The following MIDEAS variants were observed in gnomAD, a reference collection of about 807,000 sequenced individuals.
MIDEAS encodes the protein mitotic deacetylase associated SANT domain protein, also known as mitotic deacetylase-associated SANT domain protein.
A neutral mutation model predicts 102.7 loss-of-function variants in MIDEAS; 26 were observed. The ratio of observed to expected loss-of-function variants is 0.25; its 90% CI spans 0.19 to 0.35. The LOEUF is 0.35. MIDEAS is among the 10% of genes least tolerant of loss of function. MIDEAS has a pLI of 1.00. For missense variants in MIDEAS, 1,231 were observed against 1,435.6 expected (o/e 0.86, Z 2.30); for synonymous variants, 585 against 591.0 (o/e 0.99, Z 0.15).
rs181029558 is a variant in MIDEAS, at chr14:73,731,558, T to C, written c.1750-1573A>G. ...CAAAAAATCAGCTAGCTGTAATGAT[T>C]TGTAATTTTATAATAAGGGATTTAA... On this transcript the variant is annotated intron_variant, in intron 3 of 12. Transcript: ENST00000423556. 1.1e-3 allele frequency among the ~76,000 whole-genome samples: 165 copies of C among 152,348 alleles called. 2 individuals are homozygous for C. The highest frequency in any genetic ancestry group is 9.9e-3 in the Admixed American group (152 of 15,308).
At chr14:73,770,937 T>A (rs1481356109) in intron 1 of MIDEAS, among the ~76,000 whole-genome samples, 2 of 152,118 alleles carry the variant, frequency 1.3e-5, no homozygotes, top group African/African-American at 4.8e-5. Context: ...AATATTCACA[T>A]GACCAGCAAT....
In MIDEAS at chr14:73,721,378, C is replaced by A; in HGVS notation, c.2856G>T (p.Lys952Asn). The part of the protein sequence containing the change: ...GEEEVPEIQE[K>N]EEQEEGRERS... ...GCTCTCGCCCCTCTTCCTGCTCCTC[C>A]TTCTCTTGGATCTCTGGCACCTCCT... is the stretch of plus-strand genomic sequence containing the variant. The change falls in exon 11 of 13, where the codon AAG becomes AAT. Residue 952 changes from lysine to asparagine, a missense_variant. This residue lies in a region of MIDEAS where 391 missense variants were observed against 483.0 expected (regional missense o/e 0.81). Transcript: ENST00000423556. 3.1e-6 allele frequency: 5 copies of A among 1,614,062 alleles called. No individual in the cohort carries two copies. The highest frequency in any genetic ancestry group is 4.2e-6 in the Non-Finnish European group (5 of 1,180,034).
At chr14:73,775,390 T>A (rs1298924115) in intron 1 of MIDEAS, among the ~76,000 whole-genome samples, 1 of 152,102 alleles carries the variant, frequency 6.6e-6, no homozygotes, top group Non-Finnish European at 1.5e-5. Flanking sequence ...TCTTTTCCAC[T>A]TTAATGCTGC....
intron 3 of MIDEAS, among the ~76,000 whole-genome samples, chr14:73,730,462 T>G (rs1251667224): frequency 6.6e-6 from 1 of 152,194 alleles, no homozygotes. Flanking sequence ...AATCTTTCCG[T>G]GCATCTTCAT....
chr14:73,755,535 G>A (rs1463921575), intron 1 of MIDEAS, among the ~76,000 whole-genome samples: 2 of 152,150 alleles, frequency 1.3e-5, no homozygotes, highest in Non-Finnish European at 2.9e-5. Context: ...TTTTTTCCTT[G>A]GCTGAGAAAG....
chr14:73,787,200 C>G (rs1244837226), exon 1 of MIDEAS: 1 of 149,444 alleles, frequency 6.7e-6, no homozygotes, highest in African/African-American at 2.4e-5. Flanking sequence ...GCGCAGTCGT[C>G]ACTTCCTCGC....
chr14:73,784,395 G>C (rs911444649), intron 1 of MIDEAS, among the ~76,000 whole-genome samples: 2 of 152,220 alleles, frequency 1.3e-5, no homozygotes, highest in Admixed American at 6.5e-5. Flanking sequence ...ATCTGCCATT[G>C]GGAACTGAAG....
At chr14:73,775,143 G>A (rs988809066) in intron 1 of MIDEAS, among the ~76,000 whole-genome samples, 2 of 152,094 alleles carry the variant, frequency 1.3e-5, no homozygotes, top group South Asian at 4.2e-4. Context: ...ATAACAAGGC[G>A]AGAGAAGTGC....
chr14:73,719,443 C>CCACCGG lies in MIDEAS; in HGVS notation c.2990_2995dup (p.Ala997_Gly998dup). The stretch of plus-strand genomic sequence containing the variant: ...TTCCCTTGGCTTCTCCGAGGCCTGG[C>CCACCGG]CACCGGCAGACCCAGGGGCGTTGGA... On this transcript the variant is annotated inframe_insertion, in exon 12 of 13. Transcript: ENST00000423556. 6.2e-7 allele frequency: 1 copy of CCACCGG among 1,614,064 alleles called. No homozygotes were observed.
At chr14:73,764,383 A>C (rs539157316), upstream of MIDEAS, among the ~76,000 whole-genome samples, 22 of 151,530 alleles carry the variant, frequency 1.5e-4, no homozygotes, top group African/African-American at 5.1e-4. Context: ...ACAAAAAAAA[A>C]CCACCTAGTT....
Position 73,742,499 on chromosome 14 carries a change from T to C in MIDEAS, c.-247-2244A>G, listed in dbSNP as rs1434881984. 6.6e-6 allele frequency among the ~76,000 whole-genome samples: 1 copy of C among 152,152 alleles called. No homozygotes were observed. The highest frequency in any genetic ancestry group is 1.5e-5 in the Non-Finnish European group (1 of 67,994). On this transcript the variant is annotated intron_variant, in intron 1 of 12. Transcript: ENST00000423556. The surrounding 1 kb of genome is among the most constrained non-coding windows in gnomAD (Gnocchi z 4.4). ...GGGGCCAGAGGCCAGATGCAGGTCTTACAGGGGCTTACCCACAGCTGTATG... is the reference window on the plus strand; with the variant it reads ...GGGGCCAGAGGCCAGATGCAGGTCTCACAGGGGCTTACCCACAGCTGTATG...
chr14:73,766,893 T>C (rs1433028709), intron 1 of MIDEAS, among the ~76,000 whole-genome samples: 4 of 142,570 alleles, frequency 2.8e-5, no homozygotes, highest in Non-Finnish European at 4.6e-5. Flanking sequence ...TCTCACTCTG[T>C]CACCCAGGCT....
At chr14:73,764,679 G>A (rs17091315), upstream of MIDEAS, among the ~76,000 whole-genome samples, 9,290 of 152,262 alleles carry the variant, frequency 0.061, 954 homozygotes, top group African/African-American at 0.21. Context: ...AAGCCACTGT[G>A]TGCTGAGATG....
chr14:73,716,210 C>T lies in MIDEAS; in HGVS notation c.*2633G>A, dbSNP rs2052886292. 1 of 152,586 alleles carries T rather than the reference C, an allele frequency of 6.6e-6. No homozygotes were observed. Among genetic ancestry groups the T allele is most frequent in the Middle Eastern group, 3.4e-3 (1 of 294 alleles). 9.5% of individuals were successfully genotyped at this position (152,586 alleles called of 1,614,324 possible). A position where few individuals can be genotyped will look rare whatever the true frequency, so the allele number is the denominator to read the frequency against. ...TGCTTTATTGGCAGGTCACTTGCCA[C>T]AATTGCATCTGCCCTCTAAACTTTT... On this transcript the variant is annotated 3_prime_UTR_variant, in exon 13 of 13. Transcript: ENST00000423556.
At position 73,718,489 on chromosome 14, in the gene MIDEAS, G is replaced by T; in HGVS notation, c.*354C>A. 1 of 183,026 alleles carries T rather than the reference G, an allele frequency of 5.5e-6. No homozygotes were observed. Among genetic ancestry groups the T allele is most frequent in the East Asian group, 1.4e-4 (1 of 7,284 alleles). 11.3% of individuals were successfully genotyped at this position (183,026 alleles called of 1,614,324 possible). On this transcript the variant is annotated 3_prime_UTR_variant, in exon 13 of 13. Transcript: ENST00000423556. ...GTGGCTTCCTGGAGGCCGAGGGGAG[G>T]AGGGGGAAGCAAATAAAGGGAAAAG...
chr14:73,743,234 C>T (rs1464893967), intron 1 of MIDEAS, among the ~76,000 whole-genome samples: 1 of 152,170 alleles, frequency 6.6e-6, no homozygotes, highest in South Asian at 2.1e-4. Flanking sequence ...TATCAGATAT[C>T]CCTTCTCATT....
At chr14:73,789,740 C>T (rs553816658), upstream of MIDEAS, 10 of 152,284 alleles carry the variant, frequency 6.6e-5, no homozygotes, top group Admixed American at 3.9e-4. Context: ...TTTTGCAGAG[C>T]GAGGGTCATT....
intron 1 of MIDEAS, among the ~76,000 whole-genome samples, chr14:73,752,295 C>T (rs530361958): frequency 2.6e-5 from 4 of 152,256 alleles, no homozygotes; most frequent in East Asian, 1.9e-4. Flanking sequence ...GCTATAGTGA[C>T]GGCCTCCCAG....
intron 1 of MIDEAS, among the ~76,000 whole-genome samples, chr14:73,744,513 C>A (rs940703392): frequency 2.6e-5 from 4 of 152,202 alleles, no homozygotes; most frequent in Non-Finnish European, 5.9e-5. Flanking sequence ...CTCTTATAGC[C>A]TGGGCAGGCC....
Sources: allele counts gnomAD v4.1 joint callset (sites outside exome capture counted in the v4.1 genomes callset), GRCh38; gene constraint gnomAD v4.1.1; regional missense constraint gnomAD v4.1.1; non-coding constraint Gnocchi (gnomAD v3.1); transcripts MANE v1.5; gene names NCBI Gene and HGNC (gene_info 2026-07-23, HGNC 2026-07-21).